Variants in SLC9A2 observed in about 807,000 individuals in gnomAD.
SLC9A2 encodes the protein sodium/hydrogen exchanger 2.
A neutral mutation model predicts 71.7 loss-of-function variants in SLC9A2; 42 were observed. The observed-to-expected ratio is 0.59, with a 90% CI of 0.46 to 0.76. The LOEUF (loss-of-function observed/expected upper bound fraction) is 0.76. Among genes scored for constraint, SLC9A2 ranks in the 30% least tolerant of loss-of-function variants. SLC9A2 has a pLI of 0.00. For missense variants in SLC9A2, 829 were observed against 1,017.4 expected, an observed-to-expected ratio of 0.81 and a Z score of 2.52; for synonymous variants, 396 against 392.5, an observed-to-expected ratio of 1.01 and a Z score of -0.10.
At chr2:102,646,799 C>T (rs972175800) in intron 1 of SLC9A2, among the ~76,000 whole-genome samples, 5 of 112,298 alleles carry the variant, frequency 4.5e-5, no homozygotes, top group East Asian at 2.8e-4. Context: ...ATCTCCAATA[C>T]AGGAGCACCC....
chr2:102,657,370 T>C (rs1421992716), intron 1 of SLC9A2, among the ~76,000 whole-genome samples, 194 bp from the exon 2 acceptor site: 4 of 152,192 alleles, frequency 2.6e-5, no homozygotes, highest in Non-Finnish European at 4.4e-5. Flanking sequence ...ATTTTTTGTC[T>C]ACATGTGCTT....
At chr2:102,628,730 T>G (rs1226341804) in intron 1 of SLC9A2, among the ~76,000 whole-genome samples, 1 of 152,074 alleles carries the variant, frequency 6.6e-6, no homozygotes, top group African/African-American at 2.4e-5. Context: ...ATTGTCAGTT[T>G]TAGAGATAGG....
At chr2:102,685,120 G>A (rs1263800304) in intron 5 of SLC9A2, among the ~76,000 whole-genome samples, 2 of 152,208 alleles carry the variant, frequency 1.3e-5, no homozygotes, top group Non-Finnish European at 2.9e-5. Context: ...GTCATGAAAG[G>A]GAACAGCGAG....
chr2:102,642,780 G>A (rs1676634659), intron 1 of SLC9A2, among the ~76,000 whole-genome samples: 1 of 152,130 alleles, frequency 6.6e-6, no homozygotes, highest in African/African-American at 2.4e-5. Flanking sequence ...ATATGGACCT[G>A]GAGATTTTTT....
At chr2:102,632,036 ATAC>A (rs1558701284) in intron 1 of SLC9A2, among the ~76,000 whole-genome samples, 1 of 123,896 alleles carries the variant, frequency 8.1e-6, no homozygotes, top group African/African-American at 3.6e-5. Flanking sequence ...ATATATATAT[ATAC>A]ATACACACAC....
intron 1 of SLC9A2, among the ~76,000 whole-genome samples, chr2:102,634,459 G>C (rs1282981737): frequency 6.6e-6 from 1 of 152,200 alleles, no homozygotes; most frequent in Admixed American, 6.5e-5. Context: ...TGTGAGGATA[G>C]AGTTAACACA....
At chr2:102,707,152 A>G (rs1424850360) in intron 11 of SLC9A2, among the ~76,000 whole-genome samples, 1 of 152,202 alleles carries the variant, frequency 6.6e-6, no homozygotes, top group Non-Finnish European at 1.5e-5. Context: ...CATTGGTACT[A>G]TGCTCACTAC....
At position 102,705,864 on chromosome 2, in the gene SLC9A2, C is replaced by T. The variant is rs868484426; in HGVS notation, c.1996C>T (p.Arg666Ter). The change falls in exon 11 of 12, where the codon CGA (arginine) becomes TGA (stop). Residue 666 changes from arginine (R) to a stop codon, truncating the protein, a stop_gained. Transcript: ENST00000233969. LOFTEE classifies it high-confidence loss of function. ...REHRASTSTSRYLSLPKNTKL... is the reference protein window; with the variant it reads ...REHRASTSTS Reference sequence around the variant, plus strand: ...TTTACAGGCTTCCACTTCAACCTCCCGATATTTATCCTTACCTAAAAATAC... The same window carrying T: ...TTTACAGGCTTCCACTTCAACCTCCTGATATTTATCCTTACCTAAAAATAC... 7.5e-6 allele frequency: 12 copies of T among 1,596,278 alleles called. No homozygotes were observed. Among genetic ancestry groups the T allele is most frequent in the Admixed American group, 1.7e-5 (1 of 57,806 alleles).
intron 5 of SLC9A2, among the ~76,000 whole-genome samples, chr2:102,684,717 C>G (rs1021171441): frequency 2.0e-5 from 3 of 152,086 alleles, no homozygotes; most frequent in Non-Finnish European, 4.4e-5. Context: ...CGGTGACTCC[C>G]CTAAATGAGG....
At chr2:102,656,864 T>C (rs1676952620) in intron 1 of SLC9A2, among the ~76,000 whole-genome samples, 1 of 152,190 alleles carries the variant, frequency 6.6e-6, no homozygotes, top group Non-Finnish European at 1.5e-5. Context: ...GAGGATGAAA[T>C]GAGATGTTAC....
intron 3 of SLC9A2, among the ~76,000 whole-genome samples, chr2:102,677,716 A>C (rs1281198222): frequency 6.6e-6 from 1 of 152,186 alleles, no homozygotes; most frequent in Non-Finnish European, 1.5e-5. Context: ...CATTGGCAAC[A>C]CTTTTCTTTT....
At chr2:102,683,544 T>C in intron 4 of SLC9A2, 66 bp downstream of exon 4, 1 of 1,234,550 alleles carries the variant, frequency 8.1e-7, no homozygotes, top group Non-Finnish European at 1.2e-6. Context: ...GCTTTCCTTT[T>C]GTCATTCCCT....
chr2:102,683,864 CTTT>C (rs1401383112), intron 4 of SLC9A2, among the ~76,000 whole-genome samples: 1 of 152,046 alleles, frequency 6.6e-6, no homozygotes, highest in Non-Finnish European at 1.5e-5. Context: ...CTGATATATT[CTTT>C]TCTTCTCTGA....
chr2:102,674,388 G>A (rs1025489891), intron 3 of SLC9A2, among the ~76,000 whole-genome samples: 12 of 152,202 alleles, frequency 7.9e-5, no homozygotes, highest in Admixed American at 5.2e-4. Flanking sequence ...TGAACCCCAG[G>A]CCCTCCTGTG....
chr2:102,646,941 A>G (rs1235754016), intron 1 of SLC9A2, among the ~76,000 whole-genome samples: 2 of 152,024 alleles, frequency 1.3e-5, no homozygotes, highest in Non-Finnish European at 2.9e-5. Flanking sequence ...TCAGGACTTG[A>G]ACTCAGCTCT....
At chr2:102,648,079 T>C (rs1375208246) in intron 1 of SLC9A2, among the ~76,000 whole-genome samples, 2 of 152,300 alleles carry the variant, frequency 1.3e-5, no homozygotes, top group African/African-American at 4.8e-5. Context: ...TGAACACTGA[T>C]GCAAAAATCC....
At chr2:102,702,134 G>C (rs1478964235) in intron 8 of SLC9A2, among the ~76,000 whole-genome samples, 1 of 152,170 alleles carries the variant, frequency 6.6e-6, no homozygotes, top group East Asian at 1.9e-4. Flanking sequence ...ATAAAGTGAG[G>C]TAGCATTATA....
At chr2:102,622,708 G>C (rs2104493501) in intron 1 of SLC9A2, among the ~76,000 whole-genome samples, 1 of 152,236 alleles carries the variant, frequency 6.6e-6, no homozygotes, top group South Asian at 2.1e-4. Context: ...AACATCTTTA[G>C]AATAAAGCTG....
At position 102,700,384 on chromosome 2, in the gene SLC9A2, C is replaced by A. The variant is rs547227950; in HGVS notation, c.1587-686C>A. On this transcript the variant is annotated intron_variant, in intron 7 of 11. Transcript: ENST00000233969. ...TATGAAAGAGGATTAAGAACCGAGG[C>A]CCAGAGCACTCCTACATTAACAGGT... 1.4e-4 allele frequency among the ~76,000 whole-genome samples: 22 copies of A among 152,126 alleles called. No homozygotes were observed. The East Asian group carries it at 3.7e-3, about 25-fold the overall frequency.
Sources: gnomAD v4.1 joint callset for allele counts (sites outside exome capture counted in the v4.1 genomes callset) on GRCh38, gnomAD v4.1.1 for gene constraint, MANE v1.5 for transcripts, NCBI Gene and HGNC (gene_info 2026-07-23, HGNC 2026-07-21) for gene names.